The following BANF2 variants were observed in gnomAD, a reference collection of about 807,000 sequenced individuals.
The protein encoded by BANF2 is BANF family member 2, also known as barrier-to-autointegration factor-like protein.
Under a neutral mutation model 8.0 loss-of-function variants are expected in BANF2, and 4 were observed. The ratio of observed to expected loss-of-function variants is 0.50; its 90% CI spans 0.25 to 1.14. BANF2 has a LOEUF of 1.14. BANF2 is among the 50% of genes most tolerant of loss of function. BANF2 has a pLI of 0.16. For missense variants in BANF2, 96 were observed against 107.5 expected (o/e 0.89, Z 0.47); for synonymous variants, 50 against 40.6 (o/e 1.23, Z -0.88).
At chr20:17,722,967 A>G (rs1312895343) in intron 2 of BANF2, 89 bp downstream of exon 2, 50 of 851,710 alleles carry the variant, frequency 5.9e-5, no homozygotes, top group Non-Finnish European at 6.9e-5. Context: ...TCGAATGCTT[A>G]CCATGTCCTC....
At chr20:17,697,789 G>A (rs1389663190), upstream of BANF2, among the ~76,000 whole-genome samples, 2 of 152,180 alleles carry the variant, frequency 1.3e-5, no homozygotes, top group East Asian at 1.9e-4. Flanking sequence ...GTTGAAAAGT[G>A]ATTGCAATGT....
chr20:17,696,804 G>A (rs185132389), upstream of BANF2, among the ~76,000 whole-genome samples: 18 of 152,298 alleles, frequency 1.2e-4, no homozygotes, highest in Admixed American at 1.1e-3. Flanking sequence ...GCCAAGCCGC[G>A]ATTGGATCTT....
chr20:17,703,014 A>G (rs1487940147), intron 1 of BANF2, among the ~76,000 whole-genome samples: 1 of 151,978 alleles, frequency 6.6e-6, no homozygotes, highest in Non-Finnish European at 1.5e-5. Flanking sequence ...TTCATCTCTG[A>G]TCTCATTCCC....
At chr20:17,695,800 C>T (rs898780617), upstream of BANF2, among the ~76,000 whole-genome samples, 6 of 152,140 alleles carry the variant, frequency 3.9e-5, no homozygotes, top group Non-Finnish European at 8.8e-5. Flanking sequence ...TTCCCTTCAT[C>T]CCATGGAGTT....
chr20:17,707,649 G>A (rs773947341), intron 1 of BANF2, among the ~76,000 whole-genome samples: 3 of 151,688 alleles, frequency 2.0e-5, no homozygotes, highest in Non-Finnish European at 2.9e-5. Flanking sequence ...GCACGATCTC[G>A]GCTCATTGCC....
rs1600211094 is a variant in BANF2, at chr20:17,701,828, GTTAA to G, written c.-167+1774_-167+1777del. Among the ~76,000 whole-genome samples, 5 of 152,356 alleles carry G rather than the reference GTTAA, an allele frequency of 3.3e-5. No individual in the cohort carries two copies. In the East Asian group the frequency reaches 9.6e-4, roughly 29 times the overall value. ...CAAGGCTCCAGAGCCAATTTGCAGA[GTTAA>G]CCTGTGTTGACTGAACAAATGGAGG... On this transcript the variant is annotated intron_variant, in intron 1 of 3. Transcript: ENST00000246090.
chr20:17,710,990 T>C (rs369355145), intron 1 of BANF2, among the ~76,000 whole-genome samples: 2 of 152,324 alleles, frequency 1.3e-5, no homozygotes, highest in East Asian at 3.9e-4. Flanking sequence ...GAAATTTACA[T>C]TTCAGATAAA....
intron 1 of BANF2, among the ~76,000 whole-genome samples, chr20:17,711,700 T>C (rs1419851291): frequency 6.6e-6 from 1 of 152,176 alleles, no homozygotes; most frequent in African/African-American, 2.4e-5. Flanking sequence ...GGCAGAGGCC[T>C]GGGCCTTGCA....
In BANF2 at chr20:17,725,040, T is replaced by C. The variant is rs765753799; in HGVS notation, c.15T>C (p.Ser5=). 6.2e-7 allele frequency: 1 copy of C among 1,607,432 alleles called. No individual in the cohort carries two copies. Among genetic ancestry groups the C allele is most frequent in the Admixed American group, 1.7e-5 (1 of 60,014 alleles). Reference sequence around the variant, plus strand: ...TGTCGCAGGAGATGGACAACATGTCTCCCAGGCTGAGAGCCTTCCTCTCCG... The same window carrying C: ...TGTCGCAGGAGATGGACAACATGTCCCCCAGGCTGAGAGCCTTCCTCTCCG... MDNM[S]PRLRAFLSEP... Residue 5 remains serine, a synonymous_variant, in exon 3 of 4, where the codon TCT becomes TCC. Transcript: ENST00000246090.
chr20:17,710,538 C>T (rs911290343), intron 1 of BANF2, among the ~76,000 whole-genome samples: 14 of 152,216 alleles, frequency 9.2e-5, no homozygotes, highest in Non-Finnish European at 1.6e-4. Context: ...CAGCTCAATT[C>T]GGTTCCATTT....
intron 1 of BANF2, 115 bp from the exon 2 acceptor site, chr20:17,722,601 C>A: frequency 5.3e-6 from 2 of 373,898 alleles, no homozygotes; most frequent in Non-Finnish European, 7.4e-6. Flanking sequence ...GAGTGAGATT[C>A]CTATTTAGCT....
upstream of BANF2, among the ~76,000 whole-genome samples, chr20:17,695,242 T>G (rs2037336862): frequency 2.0e-5 from 3 of 149,376 alleles, no homozygotes; most frequent in Admixed American, 2.0e-4. Context: ...AGCCCAGGGG[T>G]TTGAGACCAG....
intron 1 of BANF2, chr20:17,712,451 G>T (rs910393691): frequency 9.8e-5 from 85 of 865,868 alleles, no homozygotes; most frequent in Non-Finnish European, 1.1e-4. Flanking sequence ...AAGCCACCAA[G>T]TCCCATGCAC....
intron 1 of BANF2, among the ~76,000 whole-genome samples, chr20:17,719,210 C>T (rs1217737234): frequency 5.3e-5 from 8 of 152,096 alleles, no homozygotes; most frequent in South Asian, 2.1e-4. Context: ...CTGCAACCTC[C>T]GCCTCCCGGG....
chr20:17,725,868 A>T lies in BANF2; in HGVS notation c.126+717A>T, dbSNP rs140778399. Among the ~76,000 whole-genome samples the T allele has an allele frequency of 3.1e-3, 469 of 152,312 alleles. 2 individuals are homozygous for T. Among genetic ancestry groups the T allele is most frequent in the African/African-American group, 0.011 (452 of 41,576 alleles). On this transcript the variant is annotated intron_variant, in intron 3 of 3. Transcript: ENST00000246090. ...TCTCCTCAGTGCCCCAAGTCAGTCT[A>T]CCAGGCGGGACAGTGTTACAGAAAC...
At chr20:17,703,904 T>G (rs2037445642) in intron 1 of BANF2, among the ~76,000 whole-genome samples, 1 of 152,138 alleles carries the variant, frequency 6.6e-6, no homozygotes, top group Admixed American at 6.5e-5. Context: ...CCTGCCACAA[T>G]GCCCAGCTAA....
intron 3 of BANF2, among the ~76,000 whole-genome samples, chr20:17,734,499 A>G (rs773530416): frequency 6.6e-6 from 1 of 152,216 alleles, no homozygotes; most frequent in Non-Finnish European, 1.5e-5. Flanking sequence ...TTCTTACTTC[A>G]GGTTACATGA....
intron 1 of BANF2, among the ~76,000 whole-genome samples, chr20:17,706,253 C>T (rs6075238): frequency 0.31 from 46,583 of 151,918 alleles, 7,664 homozygotes; most frequent in Middle Eastern, 0.41. Context: ...GGTGTGCTGA[C>T]GTGAGGGTGA....
chr20:17,697,895 G>T (rs938444334), upstream of BANF2, among the ~76,000 whole-genome samples: 3 of 152,132 alleles, frequency 2.0e-5, no homozygotes, highest in Admixed American at 2.0e-4. Flanking sequence ...TCTTGTGAGA[G>T]CTGGCTGTTT....
Sources: gnomAD v4.1 joint callset for allele counts (sites outside exome capture counted in the v4.1 genomes callset) on GRCh38, gnomAD v4.1.1 for gene constraint, MANE v1.5 for transcripts, NCBI Gene and HGNC (gene_info 2026-07-23, HGNC 2026-07-21) for gene names.